PPP1R13B: variants seen among roughly 807,000 people sequenced by gnomAD.
PPP1R13B encodes apoptosis-stimulating of p53 protein 1.
In PPP1R13B, 44 loss-of-function variants were observed where a neutral mutation model predicts 119.8. The observed-to-expected ratio is 0.37, with a 90% CI of 0.29 to 0.47. The LOEUF (loss-of-function observed/expected upper bound fraction) is 0.47, where lower values mean the gene tolerates loss of function less well. PPP1R13B is among the 20% of genes least tolerant of loss of function. The pLI, the probability that PPP1R13B is intolerant of heterozygous loss-of-function variation, is 0.99. For synonymous variants in PPP1R13B, 542 were observed against 561.5 expected (o/e 0.97, Z 0.49); for missense variants, 1,227 against 1,413.5 (o/e 0.87, Z 2.12).
Position 103,810,416 on chromosome 14 carries a change from A to AT in PPP1R13B, c.10-12899dup, listed in dbSNP as rs531065132. The stretch of plus-strand genomic sequence containing the variant: ...CTCTCAAAAATAATAAAAAATTAAA[A>AT]TTAGAAAATAATACTCTAGAATAAA... On this transcript the variant is annotated intron_variant, in intron 1 of 16. Coordinates refer to ENST00000202556, the MANE Select transcript of PPP1R13B (RefSeq NM_015316.3). Among the ~76,000 whole-genome samples, 552 of 152,172 alleles carry AT rather than the reference A, an allele frequency of 3.6e-3. 5 individuals are homozygous for AT. Among genetic ancestry groups the AT allele is most frequent in the African/African-American group, 0.013 (535 of 41,526 alleles).
chr14:103,748,314 T>C (rs1344920014), intron 8 of PPP1R13B, among the ~76,000 whole-genome samples: 2 of 152,134 alleles, frequency 1.3e-5, no homozygotes, highest in East Asian at 1.9e-4. Context: ...TTAAACTCAC[T>C]GTGTTGTTTT....
upstream of PPP1R13B, chr14:103,848,619 T>G (rs1260475682): frequency 1.9e-6 from 1 of 516,152 alleles, no homozygotes; most frequent in Non-Finnish European, 2.5e-6. Flanking sequence ...TAAGCCGCCC[T>G]GGGAAGCGCC....
intron 1 of PPP1R13B, chr14:103,804,066 C>G: frequency 2.0e-6 from 2 of 984,736 alleles, no homozygotes; most frequent in Non-Finnish European, 2.4e-6. Context: ...TTGAAATCAT[C>G]TAAGTGTGTC....
At chr14:103,821,346 C>G (rs2086402599) in intron 1 of PPP1R13B, among the ~76,000 whole-genome samples, 1 of 152,090 alleles carries the variant, frequency 6.6e-6, no homozygotes, top group Non-Finnish European at 1.5e-5. Flanking sequence ...ATAATGGGCA[C>G]TGAAAAAGTC....
intron 2 of PPP1R13B, among the ~76,000 whole-genome samples, chr14:103,792,433 C>T (rs964095996): frequency 1.1e-4 from 17 of 152,094 alleles, no homozygotes; most frequent in African/African-American, 4.1e-4. Context: ...CAGCCTTGGC[C>T]TCAAGTGCTG....
chr14:103,777,449 A>T (rs2085233289), intron 4 of PPP1R13B, among the ~76,000 whole-genome samples: 1 of 152,160 alleles, frequency 6.6e-6, no homozygotes, highest in South Asian at 2.1e-4. Context: ...TCCAGAACCA[A>T]CACTGAAGAT....
chr14:103,830,149 G>A lies in PPP1R13B; in HGVS notation c.9+17150C>T, dbSNP rs149766049. On this transcript the variant is annotated intron_variant, in intron 1 of 16. Transcript: ENST00000202556. ...TCACTCTTGTCACCCAGGCTGGAGCGCTGTGGTGCAATCTCAGCTCACTGC... is the reference window on the plus strand; with the variant it reads ...TCACTCTTGTCACCCAGGCTGGAGCACTGTGGTGCAATCTCAGCTCACTGC... 9.9e-4 allele frequency among the ~76,000 whole-genome samples: 150 copies of A among 151,744 alleles called. 3 individuals carry two copies. In the East Asian group the frequency reaches 0.021, roughly 22 times the overall value.
chr14:103,750,282 G>A (rs2084506801), intron 7 of PPP1R13B, among the ~76,000 whole-genome samples: 1 of 152,210 alleles, frequency 6.6e-6, no homozygotes, highest in African/African-American at 2.4e-5. Context: ...CCCACCACAT[G>A]ATGCACCTTA....
At chr14:103,832,793 C>A (rs2086689430) in intron 1 of PPP1R13B, among the ~76,000 whole-genome samples, 1 of 152,122 alleles carries the variant, frequency 6.6e-6, no homozygotes, top group Admixed American at 6.5e-5. Flanking sequence ...ACCAGCCTGG[C>A]CAACATGGCG....
At chr14:103,801,385 C>T (rs1208369683) in intron 1 of PPP1R13B, among the ~76,000 whole-genome samples, 2 of 152,076 alleles carry the variant, frequency 1.3e-5, no homozygotes, top group South Asian at 2.1e-4. Context: ...TCTGAGAAAA[C>T]CTTCCAGGTT....
intron 1 of PPP1R13B, among the ~76,000 whole-genome samples, chr14:103,834,722 C>T (rs549673962): frequency 6.6e-6 from 1 of 150,470 alleles, no homozygotes; most frequent in Non-Finnish European, 1.5e-5. Context: ...TCCTGAGTAA[C>T]TGGGATTACA....
intron 1 of PPP1R13B, among the ~76,000 whole-genome samples, chr14:103,846,083 G>A (rs1001567832): frequency 6.6e-6 from 1 of 152,130 alleles, no homozygotes; most frequent in Non-Finnish European, 1.5e-5. Context: ...TTTCACCCCA[G>A]ATCTTCTGAT....
At chr14:103,757,191 C>A (rs2084698862) in intron 5 of PPP1R13B, among the ~76,000 whole-genome samples, 1 of 152,044 alleles carries the variant, frequency 6.6e-6, no homozygotes, top group South Asian at 2.1e-4. Context: ...TCCCATGTAG[C>A]TGGGACCACA....
Position 103,753,038 on chromosome 14 carries a change from C to G in PPP1R13B, c.790G>C (p.Ala264Pro). The G allele has an allele frequency of 6.2e-7, 1 of 1,614,208 alleles. No homozygotes were observed. The highest frequency in any genetic ancestry group is 8.5e-7 in the Non-Finnish European group (1 of 1,180,046). ...TACAGTCTTTTTAACTCCACCGCCG[C>G]TGGTCCCGTCAATTTGCCATTGTAA... The part of the protein sequence containing the change: ...QSYNGKLTGP[A>P]AVELKRLYQE... Residue 264 changes from alanine to proline, a missense_variant, in exon 7 of 17, where the codon GCG (alanine) becomes CCG (proline). Ala to Pro is a conservative substitution (Grantham distance 27). Coordinates refer to ENST00000202556, the MANE Select transcript of PPP1R13B (RefSeq NM_015316.3).
chr14:103,848,625 G>A (rs2087131095), upstream of PPP1R13B: 1 of 470,716 alleles, frequency 2.1e-6, no homozygotes, highest in Non-Finnish European at 2.8e-6. Flanking sequence ...GCCCTGGGAA[G>A]CGCCGGCCCA....
Position 103,753,006 on chromosome 14 carries a change from T to C in PPP1R13B, c.822A>G (p.Glu274=). Residue 274 remains glutamate (E), a synonymous_variant, in exon 7 of 17, where the codon GAA becomes GAG. Transcript: ENST00000202556. The stretch of plus-strand genomic sequence containing the variant: ...TGCCAGACCCAGGAGTTACCTGTAG[T>C]TCTTGGTACAGTCTTTTTAACTCCA... The part of the protein sequence containing the change: ...AAVELKRLYQ[E]LQIRNQLNQE... The C allele has an allele frequency of 1.2e-6, 2 of 1,613,674 alleles. No individual in the cohort carries two copies. The highest frequency in any genetic ancestry group is 1.7e-6 in the Non-Finnish European group (2 of 1,179,770).
intron 6 of PPP1R13B, 131 bp downstream of exon 6, chr14:103,753,939 C>T (rs928273226): frequency 2.6e-6 from 3 of 1,159,346 alleles, no homozygotes; most frequent in Non-Finnish European, 3.7e-6. Flanking sequence ...ATGCAAATAA[C>T]AGAGCAAAAC....
At chr14:103,823,137 G>C (rs1009902826) in intron 1 of PPP1R13B, among the ~76,000 whole-genome samples, 3 of 152,092 alleles carry the variant, frequency 2.0e-5, no homozygotes, top group Non-Finnish European at 4.4e-5. Flanking sequence ...AGGAGATCGA[G>C]ACCATCCTGG....
At chr14:103,795,878 G>A (rs1041898921) in intron 2 of PPP1R13B, among the ~76,000 whole-genome samples, 32 of 152,112 alleles carry the variant, frequency 2.1e-4, no homozygotes, top group Non-Finnish European at 5.9e-5. Flanking sequence ...TGAATTCTAA[G>A]TAAAAAGCAC....
Sources: allele counts gnomAD v4.1 joint callset (sites outside exome capture counted in the v4.1 genomes callset), GRCh38; gene constraint gnomAD v4.1.1; transcripts MANE v1.5; gene names NCBI Gene and HGNC (gene_info 2026-07-23, HGNC 2026-07-21).